The following LIG3 variants were observed in gnomAD, a reference collection of about 807,000 sequenced individuals.
LIG3 encodes ligase II, DNA, ATP-dependent.
A neutral mutation model predicts 110.9 loss-of-function variants in LIG3; 58 were observed. The ratio of observed to expected loss-of-function variants is 0.52; its 90% CI spans 0.42 to 0.65. LIG3 has a LOEUF of 0.65. LIG3 is among the 30% of genes least tolerant of loss of function. LIG3 has a pLI of 0.00. For missense variants in LIG3, 1,094 were observed against 1,273.8 expected, an observed-to-expected ratio of 0.86 and a Z score of 2.15; for synonymous variants, 422 against 472.8, an observed-to-expected ratio of 0.89 and a Z score of 1.39.
chr17:34,988,935 C>T (rs1198178362), intron 3 of LIG3, among the ~76,000 whole-genome samples: 2 of 152,178 alleles, frequency 1.3e-5, no homozygotes, highest in Non-Finnish European at 2.9e-5. Context: ...TTGTCTAACA[C>T]GTACTTGATT....
intron 10 of LIG3, 164 bp downstream of exon 10, chr17:34,996,359 C>T (rs571508576): frequency 1.1e-6 from 1 of 933,648 alleles, no homozygotes; most frequent in South Asian, 1.7e-5. Flanking sequence ...TGTTTTTCTC[C>T]TAAAAAGGGG....
chr17:34,992,582 G>A lies in LIG3; in HGVS notation c.1345G>A (p.Asp449Asn). ...EAFKASRNLQ[D>N]VVERVLHNAQ... ...CTTCAAAGCCTCGCGCAACCTGCAGGATGTGGTGGAGCGGGTCCTTCACAA... is the reference window on the plus strand; with the variant it reads ...CTTCAAAGCCTCGCGCAACCTGCAGAATGTGGTGGAGCGGGTCCTTCACAA... Residue 449 changes from aspartate (D) to asparagine (N), a missense_variant, in exon 8 of 20, where the codon GAT becomes AAT. By Grantham distance (23) the Asp-to-Asn change is conservative (BLOSUM62 1). Coordinates refer to ENST00000378526, the MANE Select transcript of LIG3 (RefSeq NM_013975.4). 6.2e-7 allele frequency: 1 copy of A among 1,613,814 alleles called. No homozygotes were observed. The highest frequency in any genetic ancestry group is 8.5e-7 in the Non-Finnish European group (1 of 1,179,878).
intron 16 of LIG3, among the ~76,000 whole-genome samples, chr17:35,000,514 T>C (rs1262024494): frequency 6.6e-6 from 1 of 152,006 alleles, no homozygotes; most frequent in Admixed American, 6.6e-5. Context: ...CGCCTCAGTC[T>C]CCCAGGGTGC....
chr17:34,991,674 G>A lies in LIG3; in HGVS notation c.1045G>A (p.Asp349Asn). 1.2e-6 allele frequency: 2 copies of A among 1,613,754 alleles called. No individual in the cohort carries two copies. The highest frequency in any genetic ancestry group is 1.7e-6 in the Non-Finnish European group (2 of 1,179,982). ...DDMARDLEQGDVSETIRVFFE... is the reference protein window; with the variant it reads ...DDMARDLEQGNVSETIRVFFE... ...GCATTTTGGTTTTTGGAGACAGGGTGACGTGTCAGAGACAATCAGAGTCTT... is the reference window on the plus strand; with the variant it reads ...GCATTTTGGTTTTTGGAGACAGGGTAACGTGTCAGAGACAATCAGAGTCTT... The change falls in exon 6 of 20, where the codon GAC becomes AAC. Residue 349 changes from aspartate (D) to asparagine (N), a missense_variant. Transcript: ENST00000378526.
chr17:34,997,937 C>G lies in LIG3; in HGVS notation c.1911+112C>G. On this transcript the variant is annotated intron_variant, in intron 12 of 19. Coordinates refer to ENST00000378526, the MANE Select transcript of LIG3 (RefSeq NM_013975.4). ...AAATCTTAATGTCTTATGGAGCCTC[C>G]TGATAATGTTGGCCTTTGACTATTG... 3.6e-6 allele frequency: 3 copies of G among 838,430 alleles called. No individual in the cohort carries two copies. In the South Asian group the frequency reaches 4.4e-5, roughly 12 times the overall value. 51.9% of individuals were successfully genotyped at this position (838,430 alleles called of 1,614,324 possible).
At chr17:34,996,484 CA>C in intron 10 of LIG3, 89 bp from the exon 11 acceptor site, 2 of 1,054,630 alleles carry the variant, frequency 1.9e-6, no homozygotes, top group Non-Finnish European at 2.9e-6. Flanking sequence ...TCCGGTGCCT[CA>C]GGGGGCCTCC....
chr17:34,999,845 C>T lies in LIG3; in HGVS notation c.2320C>T (p.Pro774Ser). Reference protein sequence around the residue: ...NKIYYPDFIVPDPKKAAVWEI... With the variant: ...NKIYYPDFIVSDPKKAAVWEI... ...GATCTACTATCCTGACTTCATCGTCCCAGACCCAAAGGTATCAACCCAGTG... is the reference window on the plus strand; with the variant it reads ...GATCTACTATCCTGACTTCATCGTCTCAGACCCAAAGGTATCAACCCAGTG... Residue 774 changes from proline to serine, a missense_variant, in exon 16 of 20, where the codon CCA becomes TCA. Transcript: ENST00000378526. 1.2e-6 allele frequency: 2 copies of T among 1,613,832 alleles called. No individual in the cohort carries two copies. Among genetic ancestry groups the T allele is most frequent in the Non-Finnish European group, 1.7e-6 (2 of 1,179,780 alleles).
chr17:35,009,201 A>C lies in LIG3; in HGVS notation c.*4695A>C, dbSNP rs1471887969. On this transcript the variant is annotated 3_prime_UTR_variant, in exon 20 of 20. Transcript: ENST00000378526. ...TTTGGGTTTGCTTTAACCTCCAAGT[A>C]AGTCTGAGAAAATCTTAATAAAAGC... 12 of 152,646 alleles carry C rather than the reference A, an allele frequency of 7.9e-5. No individual in the cohort carries two copies. The highest frequency in any genetic ancestry group is 1.6e-4 in the Non-Finnish European group (11 of 68,036). The allele number at this position is 152,646 out of a possible 1,614,324, so 9.5% of individuals were successfully genotyped here. A position where few individuals can be genotyped will look rare whatever the true frequency, so the allele number is the denominator to read the frequency against.
chr17:34,983,207 G>A lies in LIG3; in HGVS notation c.202G>A (p.Ala68Thr), dbSNP rs1459305342. 3.1e-6 allele frequency: 5 copies of A among 1,614,054 alleles called. No homozygotes were observed. In the South Asian group the frequency reaches 3.3e-5, roughly 11 times the overall value. ...CCAGGGAAGCCATCTAAGATCACGTGCCACCTACCTTGTTTTCTTGCCAGG... is the reference window on the plus strand; with the variant it reads ...CCAGGGAAGCCATCTAAGATCACGTACCACCTACCTTGTTTTCTTGCCAGG... ...SFQGSHLRSR[A>T]TYLVFLPGLH... Residue 68 changes from alanine (A) to threonine (T), a missense_variant, in exon 2 of 20, where the codon GCC becomes ACC. Transcript: ENST00000378526.
At chr17:34,992,293 T>C (rs1284026894) in intron 7 of LIG3, among the ~76,000 whole-genome samples, 2 of 152,264 alleles carry the variant, frequency 1.3e-5, no homozygotes, top group Admixed American at 6.5e-5. Context: ...TATGAGTCTC[T>C]TGCCTACTCC....
At position 34,992,476 on chromosome 17, in the gene LIG3, C is replaced by G. The variant is rs750458120; in HGVS notation, c.1287-48C>G. The G allele has an allele frequency of 8.6e-6, 13 of 1,519,170 alleles. No individual in the cohort carries two copies. In the Middle Eastern group the frequency reaches 5.3e-4, roughly 62 times the overall value. 94.1% of individuals were successfully genotyped at this position (1,519,170 alleles called of 1,614,324 possible). A position where few individuals can be genotyped will look rare whatever the true frequency, so the allele number is the denominator to read the frequency against. ...AGATTGCTGTCCAAAGCCATGGAGT[C>G]AAACAAAGGCAGTGGTTTTGTTTCC... On this transcript the variant is annotated intron_variant, in intron 7 of 19. Transcript: ENST00000378526.
Position 35,005,976 on chromosome 17 carries a change from C to T in LIG3, c.*1470C>T, listed in dbSNP as rs185795530. 602 of 268,802 alleles carry T rather than the reference C, an allele frequency of 2.2e-3. 2 individuals are homozygous for T. The highest frequency in any genetic ancestry group is 3.5e-3 in the Non-Finnish European group (485 of 137,556). 16.7% of individuals were successfully genotyped at this position (268,802 alleles called of 1,614,324 possible). ...TTTTCCTGCTGACCTATTGATAATA[C>T]CAACAATGTTGAGTGGCATTTTCTT... On this transcript the variant is annotated 3_prime_UTR_variant, in exon 20 of 20. Coordinates refer to ENST00000378526, the MANE Select transcript of LIG3 (RefSeq NM_013975.4).
chr17:35,004,049 C>CT, intron 19 of LIG3: 1 of 554,914 alleles, frequency 1.8e-6, no homozygotes, highest in East Asian at 3.0e-5. Context: ...ATGTCGAGGC[C>CT]TGTCCACTCT....
rs2090895472 is a variant in LIG3 at position 35,006,393 on chromosome 17, C to T, written c.*1887C>T. 6.6e-6 allele frequency: 1 copy of T among 152,320 alleles called. No individual in the cohort carries two copies. The highest frequency in any genetic ancestry group is 1.9e-4 in the East Asian group (1 of 5,206). 9.4% of individuals were successfully genotyped at this position (152,320 alleles called of 1,614,324 possible). A position where few individuals can be genotyped will look rare whatever the true frequency, so the allele number is the denominator to read the frequency against. ...CGGAGTTCAGATCAGACTCCTGAAA[C>T]TTAATGGCTCTAACCTTAGGCAAGT... On this transcript the variant is annotated 3_prime_UTR_variant, in exon 20 of 20. Transcript: ENST00000378526.
chr17:34,986,374 T>C (rs924287481), intron 3 of LIG3, among the ~76,000 whole-genome samples: 1 of 152,154 alleles, frequency 6.6e-6, no homozygotes, highest in Non-Finnish European at 1.5e-5. Flanking sequence ...CAAGCTGGAG[T>C]GCAGTGGTGC....
chr17:34,991,773 C>T lies in LIG3; in HGVS notation c.1144C>T (p.Leu382=). Residue 382 remains leucine, a synonymous_variant, in exon 6 of 20, where the codon CTG becomes TTG. Transcript: ENST00000378526. Reference sequence around the variant, plus strand: ...CATCCAGGAAGTGGATGAGTTCCTTCTGCGGCTGTCCAAGCTCACCAAGGA... The same window carrying T: ...CATCCAGGAAGTGGATGAGTTCCTTTTGCGGCTGTCCAAGCTCACCAAGGA... ...LTIQEVDEFL[L]RLSKLTKEDE... is the part of the protein sequence containing the mutation. 1 of 1,614,150 alleles carries T rather than the reference C, an allele frequency of 6.2e-7. No homozygotes were observed. Among genetic ancestry groups the T allele is most frequent in the Non-Finnish European group, 8.5e-7 (1 of 1,180,028 alleles).
At chr17:34,997,087 T>C (rs1382264676) in intron 11 of LIG3, 1 of 167,446 alleles carries the variant, frequency 6.0e-6, no homozygotes, top group Non-Finnish European at 1.3e-5. Flanking sequence ...GGTTTTGATT[T>C]CAGAAGAGAC....
chr17:34,998,234 G>T lies in LIG3; in HGVS notation c.1927G>T (p.Ala643Ser), dbSNP rs750517714. 1.9e-6 allele frequency: 3 copies of T among 1,613,248 alleles called. No individual in the cohort carries two copies. The Admixed American group carries it at 5.0e-5, about 27-fold the overall frequency. The change falls in exon 13 of 20, where the codon GCT becomes TCT. Residue 643 changes from alanine to serine, a missense_variant. By Grantham distance (99) the Ala-to-Ser change is moderately conservative. Coordinates refer to ENST00000378526, the MANE Select transcript of LIG3 (RefSeq NM_013975.4). ...MKRVTKALDL[A>S]DMITRVIQEG... is the part of the protein sequence containing the mutation. ...TGTCCCTCAGAAAGCTTTGGACTTGGCTGACATGATAACCCGGGTGATCCA... is the reference window on the plus strand; with the variant it reads ...TGTCCCTCAGAAAGCTTTGGACTTGTCTGACATGATAACCCGGGTGATCCA...
intron 8 of LIG3, among the ~76,000 whole-genome samples, chr17:34,993,938 T>C (rs771445614): frequency 5.9e-5 from 9 of 152,230 alleles, no homozygotes; most frequent in Non-Finnish European, 1.2e-4. Flanking sequence ...ATGTGTTTTA[T>C]AATAAGCCAG....
Sources: allele counts gnomAD v4.1 joint callset (sites outside exome capture counted in the v4.1 genomes callset), GRCh38; gene constraint gnomAD v4.1.1; transcripts MANE v1.5; gene names NCBI Gene and HGNC (gene_info 2026-07-23, HGNC 2026-07-21).